RELL1: variants seen among roughly 807,000 people sequenced by gnomAD.
RELL1 encodes the protein RELT-like protein 1.
Under a neutral mutation model 23.0 loss-of-function variants are expected in RELL1, and 10 were observed. The ratio of observed to expected loss-of-function variants is 0.43; its 90% CI spans 0.27 to 0.74. The LOEUF is 0.74. Ranked by LOEUF, RELL1 falls within the 30% of genes least tolerant of loss-of-function variation. The pLI, the probability that RELL1 is intolerant of heterozygous loss-of-function variation, is 0.19. For missense variants in RELL1, 315 were observed against 364.4 expected, an observed-to-expected ratio of 0.86 and a Z score of 1.10; for synonymous variants, 146 against 146.8, an observed-to-expected ratio of 0.99 and a Z score of 0.04.
At chr4:37,601,157 C>T (rs569945221) in intron 6 of RELL1, among the ~76,000 whole-genome samples, 6 of 152,330 alleles carry the variant, frequency 3.9e-5, no homozygotes, top group Admixed American at 6.5e-5. Context: ...CCTCAGGCCC[C>T]ATAGGCTTTG....
intron 3 of RELL1, among the ~76,000 whole-genome samples, chr4:37,646,428 T>C (rs1048450043): frequency 6.6e-6 from 1 of 152,228 alleles, no homozygotes; most frequent in Admixed American, 6.5e-5. Context: ...CAGCTGCCAG[T>C]GGACGGGGGA....
Position 37,625,543 on chromosome 4 carries a change from G to T in RELL1, c.*3+5842C>A, listed in dbSNP as rs940900338. On this transcript the variant is annotated intron_variant, in intron 6 of 6. Transcript: ENST00000454158. ...AAACAAATAACCCAATTTAAAAATG[G>T]GGCAAAATGGGAAGGGAGGGTTGGG... is the stretch of plus-strand genomic sequence containing the variant. Among the ~76,000 whole-genome samples, 4 of 152,170 alleles carry T rather than the reference G, an allele frequency of 2.6e-5. No individual in the cohort carries two copies. The South Asian group carries it at 8.3e-4, about 32-fold the overall frequency.
At chr4:37,586,818 G>A (rs1391472488), downstream of RELL1, among the ~76,000 whole-genome samples, 2 of 152,146 alleles carry the variant, frequency 1.3e-5, no homozygotes, top group African/African-American at 4.8e-5. Context: ...GCTGAGGCAG[G>A]AGAATCACTT....
At chr4:37,629,429 T>A (rs1056652284) in intron 6 of RELL1, among the ~76,000 whole-genome samples, 3 of 152,230 alleles carry the variant, frequency 2.0e-5, no homozygotes, top group African/African-American at 7.2e-5. Context: ...TTTATAATGA[T>A]GACATGTGAG....
intron 1 of RELL1, among the ~76,000 whole-genome samples, chr4:37,656,311 A>T (rs1721114912): frequency 6.6e-6 from 1 of 152,228 alleles, no homozygotes; most frequent in African/African-American, 2.4e-5. Context: ...TCAAACTCAT[A>T]GAAACCAGAG....
At chr4:37,598,884 C>T (rs542341174) in intron 6 of RELL1, among the ~76,000 whole-genome samples, 1 of 152,200 alleles carries the variant, frequency 6.6e-6, no homozygotes, top group East Asian at 1.9e-4. Context: ...AAGGTTTCAC[C>T]GTGTTGCCCA....
At chr4:37,638,126 C>T (rs1367170019) in intron 4 of RELL1, among the ~76,000 whole-genome samples, 1 of 152,216 alleles carries the variant, frequency 6.6e-6, no homozygotes, top group Non-Finnish European at 1.5e-5. Context: ...CATCACTATT[C>T]TCTAACACAG....
At chr4:37,650,422 G>C (rs1400770082) in intron 1 of RELL1, among the ~76,000 whole-genome samples, 1 of 152,210 alleles carries the variant, frequency 6.6e-6, no homozygotes, top group African/African-American at 2.4e-5. Context: ...TGGATAGAGT[G>C]ATGAACAACG....
At chr4:37,628,509 T>C (rs1392332301) in intron 6 of RELL1, among the ~76,000 whole-genome samples, 3 of 152,234 alleles carry the variant, frequency 2.0e-5, no homozygotes, top group Non-Finnish European at 2.9e-5. Context: ...ATGATACTAT[T>C]CTACTTTTGA....
chr4:37,670,592 A>G (rs1721801269), intron 1 of RELL1, among the ~76,000 whole-genome samples: 1 of 148,112 alleles, frequency 6.8e-6, no homozygotes, highest in Non-Finnish European at 1.5e-5. Context: ...TTTTTTTGAG[A>G]TGGAGTCTCA....
intron 1 of RELL1, among the ~76,000 whole-genome samples, chr4:37,679,273 A>G (rs1722124880): frequency 6.6e-6 from 1 of 152,210 alleles, no homozygotes; most frequent in African/African-American, 2.4e-5. Flanking sequence ...ACCCATTCAT[A>G]AAGTCACTTG....
At chr4:37,629,733 GCA>G (rs1264200511) in intron 6 of RELL1, among the ~76,000 whole-genome samples, 1 of 152,160 alleles carries the variant, frequency 6.6e-6, no homozygotes, top group Non-Finnish European at 1.5e-5. Flanking sequence ...AAATTTAGGT[GCA>G]CAGAGTTGTT....
At chr4:37,598,319 G>C (rs537952268) in intron 6 of RELL1, among the ~76,000 whole-genome samples, 1 of 114,762 alleles carries the variant, frequency 8.7e-6, no homozygotes, top group Non-Finnish European at 1.8e-5. Flanking sequence ...GAAAAAATCT[G>C]CAAAGACATT....
downstream of RELL1, among the ~76,000 whole-genome samples, chr4:37,608,444 C>T (rs35844096): frequency 0.12 from 17,790 of 152,082 alleles, 1,151 homozygotes; most frequent in Middle Eastern, 0.19. Flanking sequence ...ATTGCTGATA[C>T]GGAGACAGAT....
At chr4:37,609,391 AG>A (rs1488567201), downstream of RELL1, among the ~76,000 whole-genome samples, 1 of 152,252 alleles carries the variant, frequency 6.6e-6, no homozygotes, top group Non-Finnish European at 1.5e-5. Flanking sequence ...GGACCTGGTC[AG>A]TTACCCAAGA....
chr4:37,636,181 G>C (rs979599904), intron 4 of RELL1, among the ~76,000 whole-genome samples: 1 of 152,150 alleles, frequency 6.6e-6, no homozygotes, highest in Non-Finnish European at 1.5e-5. Context: ...TCCAAACCTA[G>C]AAAGTTTAAT....
chr4:37,660,963 G>A (rs372759715), intron 1 of RELL1, among the ~76,000 whole-genome samples: 74 of 151,840 alleles, frequency 4.9e-4, no homozygotes, highest in African/African-American at 7.2e-4. Flanking sequence ...CCCGGGAGGC[G>A]GAGCTTGCAG....
downstream of RELL1, chr4:37,588,252 CT>C (rs1189502590): frequency 6.6e-6 from 1 of 152,426 alleles, no homozygotes; most frequent in Non-Finnish European, 1.5e-5. Context: ...CAAATCATAG[CT>C]GAGATTGGCC....
chr4:37,679,392 A>G (rs1274348059), intron 1 of RELL1, among the ~76,000 whole-genome samples: 2 of 152,148 alleles, frequency 1.3e-5, no homozygotes, highest in African/African-American at 2.4e-5. Flanking sequence ...TTGAGGACTT[A>G]TTTTCCCCAT....
Sources: gnomAD v4.1 joint callset for allele counts (sites outside exome capture counted in the v4.1 genomes callset) on GRCh38, gnomAD v4.1.1 for gene constraint, MANE v1.5 for transcripts, NCBI Gene and HGNC (gene_info 2026-07-23, HGNC 2026-07-21) for gene names.